SAMD5: variants seen among roughly 807,000 people sequenced by gnomAD.
The protein encoded by SAMD5 is sterile alpha motif domain-containing protein 5.
Under a neutral mutation model 11.3 loss-of-function variants are expected in SAMD5, and 13 were observed. The observed-to-expected ratio is 1.15, with a 90% confidence interval of 0.75 to 1.83. SAMD5 has a LOEUF of 1.83. SAMD5 is among the 40% of genes most tolerant of loss of function. The pLI, the probability that SAMD5 is intolerant of heterozygous loss-of-function variation, is 0.00. For synonymous variants in SAMD5, 129 were observed against 111.3 expected, an observed-to-expected ratio of 1.16 and a Z score of -1.00; for missense variants, 255 against 239.1, an observed-to-expected ratio of 1.07 and a Z score of -0.44.
chr6:147,592,385 G>A (rs372350292), intron 1 of SAMD5, among the ~76,000 whole-genome samples: 39 of 152,184 alleles, frequency 2.6e-4, no homozygotes, highest in African/African-American at 7.9e-4. Flanking sequence ...AGAGGTGGGC[G>A]TGGGCTGCCA....
the SAMD5 span, among the ~76,000 whole-genome samples, chr6:147,889,899 A>G: frequency 6.6e-6 from 1 of 152,150 alleles, no homozygotes; most frequent in Admixed American, 6.5e-5. Context: ...CTGTCTGTGC[A>G]GCTCCTTCCT....
At chr6:147,805,136 GTAGTTTAACAAT>G in the SAMD5 span, among the ~76,000 whole-genome samples, 1 of 152,212 alleles carries the variant, frequency 6.6e-6, no homozygotes, top group Non-Finnish European at 1.5e-5. Context: ...TCAGTTGTAT[GTAGTTTAACAAT>G]TTCTAGCCCA....
chr6:147,677,221 A>G (rs1026989613), intron 1 of SAMD5, among the ~76,000 whole-genome samples: 8 of 152,114 alleles, frequency 5.3e-5, no homozygotes, highest in Non-Finnish European at 1.2e-4. Context: ...AAGGCTAGGG[A>G]ATGACTTTGA....
At position 147,564,723 on chromosome 6, in the gene SAMD5, CTT is replaced by C. The variant is rs1398652020; in HGVS notation, c.*268_*269del. The C allele has an allele frequency of 8.1e-6, 9 of 1,109,876 alleles. No homozygotes were observed. Among genetic ancestry groups the C allele is most frequent in the Non-Finnish European group, 8.8e-6 (8 of 909,442 alleles). The allele number at this position is 1,109,876 out of a possible 1,614,324, so 68.8% of individuals were successfully genotyped here. Reference sequence around the variant, plus strand: ...AGAAGATATCATGATGAGATACAGTCTTATGCATTTCTTGGCATTCTCCCTTC... The same window carrying C: ...AGAAGATATCATGATGAGATACAGTCATGCATTTCTTGGCATTCTCCCTTC... On this transcript the variant is annotated 3_prime_UTR_variant, in exon 2 of 2. Coordinates refer to ENST00000367474, the MANE Select transcript of SAMD5 (RefSeq NM_001030060.3).
chr6:147,658,917 A>G (rs1790608289), intron 1 of SAMD5, among the ~76,000 whole-genome samples: 1 of 152,240 alleles, frequency 6.6e-6, no homozygotes, highest in Non-Finnish European at 1.5e-5. Context: ...ATGAGGAAAC[A>G]GGCACAGAGA....
the SAMD5 span, among the ~76,000 whole-genome samples, chr6:147,846,870 A>G: frequency 1.3e-5 from 2 of 152,150 alleles, no homozygotes; most frequent in African/African-American, 4.8e-5. Context: ...CAAAAAACCC[A>G]AACATGATTC....
chr6:147,523,038 ATTC>A (rs1037485991), intron 1 of SAMD5, among the ~76,000 whole-genome samples: 7 of 151,956 alleles, frequency 4.6e-5, no homozygotes, highest in African/African-American at 1.7e-4. Context: ...CTGGAATTCT[ATTC>A]TTCTTCATCC....
intron 1 of SAMD5, among the ~76,000 whole-genome samples, chr6:147,599,449 C>G (rs1315130282): frequency 6.6e-6 from 1 of 152,128 alleles, no homozygotes; most frequent in African/African-American, 2.4e-5. Flanking sequence ...AGTACAAATT[C>G]TAATCTAATC....
rs151219209 is a variant in SAMD5 at position 147,641,439 on chromosome 6, T to C, written c.163-95878T>C. Among the ~76,000 whole-genome samples, 419 of 152,256 alleles carry C rather than the reference T, an allele frequency of 2.8e-3. 2 individuals carry two copies. The highest frequency in any genetic ancestry group is 7.9e-3 in the South Asian group (38 of 4,816). ...TGGAAGATGGACCTTTTGTACCTGG[T>C]AAAGTGAAGTGCTCAGGAGACAGCC... On this transcript the variant is annotated intron_variant, in intron 1 of 1. Coordinates refer to the SAMD5 transcript ENST00000566741.
chr6:147,922,223 A>T, the SAMD5 span, among the ~76,000 whole-genome samples: 1 of 152,000 alleles, frequency 6.6e-6, no homozygotes, highest in African/African-American at 2.4e-5. Context: ...TGCTTCCCTC[A>T]CTACACTTAA....
the SAMD5 span, among the ~76,000 whole-genome samples, chr6:147,804,711 C>T: frequency 6.2e-4 from 94 of 152,220 alleles, no homozygotes; most frequent in Non-Finnish European, 1.3e-3. Flanking sequence ...TCTTAGGCTG[C>T]GTAACATTAT....
intron 1 of SAMD5, among the ~76,000 whole-genome samples, chr6:147,696,129 C>G (rs1411078369): frequency 6.6e-6 from 1 of 151,906 alleles, no homozygotes; most frequent in South Asian, 2.1e-4. Context: ...ACTGAGGAAC[C>G]CTACTTCTTC....
the SAMD5 span, among the ~76,000 whole-genome samples, chr6:147,877,882 G>A: frequency 1.8e-3 from 71 of 40,052 alleles, no homozygotes; most frequent in Non-Finnish European, 2.3e-3. Context: ...ACACACACAC[G>A]ATAGATAGAT....
At chr6:147,810,550 G>A in the SAMD5 span, among the ~76,000 whole-genome samples, 2 of 152,166 alleles carry the variant, frequency 1.3e-5, no homozygotes, top group Non-Finnish European at 2.9e-5. Context: ...AATAGAGATG[G>A]TAGAAAAGCC....
chr6:147,625,547 A>G (rs767983619), intron 1 of SAMD5, among the ~76,000 whole-genome samples: 14 of 152,236 alleles, frequency 9.2e-5, no homozygotes, highest in Non-Finnish European at 1.9e-4. Context: ...AAGTATAGAT[A>G]TAAGGATATA....
At chr6:147,595,522 C>CT (rs770537446) in intron 1 of SAMD5, among the ~76,000 whole-genome samples, 2,188 of 106,620 alleles carry the variant, frequency 0.021, 70 homozygotes, top group East Asian at 0.14. Flanking sequence ...ACTAAACTAC[C>CT]TTTTTTTTTT....
intron 1 of SAMD5, among the ~76,000 whole-genome samples, chr6:147,667,889 T>C (rs1790744345): frequency 6.6e-6 from 1 of 152,222 alleles, no homozygotes; most frequent in African/African-American, 2.4e-5. Context: ...TACTGCTTAT[T>C]ATTTCTTTGT....
At chr6:147,549,192 G>A (rs1303337772) in intron 1 of SAMD5, among the ~76,000 whole-genome samples, 2 of 152,162 alleles carry the variant, frequency 1.3e-5, no homozygotes, top group Admixed American at 6.5e-5. Context: ...ACTGATAAAC[G>A]CCTGATACTT....
intron 1 of SAMD5, among the ~76,000 whole-genome samples, chr6:147,702,962 G>A (rs942507338): frequency 2.0e-5 from 3 of 152,176 alleles, no homozygotes; most frequent in African/African-American, 4.8e-5. Context: ...TGAAGGTGGG[G>A]AACTCAGGAA....
Sources: gnomAD v4.1 joint callset for allele counts (sites outside exome capture counted in the v4.1 genomes callset) on GRCh38, gnomAD v4.1.1 for gene constraint, MANE v1.5 for transcripts, NCBI Gene and HGNC (gene_info 2026-07-23, HGNC 2026-07-21) for gene names.